Variants in DHX57 observed in about 807,000 individuals in gnomAD.
DHX57 encodes DExH-box helicase 57.
Under a neutral mutation model 156.2 loss-of-function variants are expected in DHX57, and 105 were observed. The ratio of observed to expected loss-of-function variants is 0.67; its 90% CI spans 0.57 to 0.79. The LOEUF (loss-of-function observed/expected upper bound fraction) is 0.79. Among genes scored for constraint, DHX57 ranks in the 30% least tolerant of loss-of-function variants. The pLI is 0.00. For missense variants in DHX57, 1,847 were observed against 1,661.9 expected (o/e 1.11, Z -1.94); for synonymous variants, 704 against 595.6 (o/e 1.18, Z -2.65).
intron 11 of DHX57, among the ~76,000 whole-genome samples, chr2:38,844,902 T>C (rs1298634255): frequency 6.6e-6 from 1 of 152,178 alleles, no homozygotes; most frequent in Non-Finnish European, 1.5e-5. Flanking sequence ...TCAGATGATA[T>C]GGGCCTTTAG....
At position 38,800,214 on chromosome 2, in the gene DHX57, C is replaced by T. The variant is rs557839978; in HGVS notation, c.4018-1772G>A. Reference sequence around the variant, plus strand: ...AAAAAAAAAAAAAAAAATAGCCGGGCTTGGTGGTGTACGCCTGCAGTCCCA... The same window carrying T: ...AAAAAAAAAAAAAAAAATAGCCGGGTTTGGTGGTGTACGCCTGCAGTCCCA... On this transcript the variant is annotated intron_variant, in intron 23 of 23. Transcript: ENST00000457308. 6.8e-5 allele frequency among the ~76,000 whole-genome samples: 10 copies of T among 148,048 alleles called. No homozygotes were observed. The East Asian group carries it at 1.6e-3, about 24-fold the overall frequency.
rs143894397 is a variant in DHX57, at chr2:38,868,359, C to G, written c.47G>C (p.Gly16Ala). Residue 16 changes from glycine to alanine, a missense_variant, in exon 2 of 24, where the codon GGA becomes GCA. Transcript: ENST00000457308. ...RRKGKPGKGG[G>A]KGSSRGGRGG... ...TCTTCCTCCTCTAGAAGACCCTTTTCCACCTCCTTTGCCTGGCTTGCCTTT... is the reference window on the plus strand; with the variant it reads ...TCTTCCTCCTCTAGAAGACCCTTTTGCACCTCCTTTGCCTGGCTTGCCTTT... 1.5e-4 allele frequency: 245 copies of G among 1,612,360 alleles called. 1 individual carries two copies. The highest frequency in any genetic ancestry group is 2.0e-4 in the Non-Finnish European group (234 of 1,179,350).
chr2:38,852,613 T>TC (rs1215559742), intron 9 of DHX57, among the ~76,000 whole-genome samples: 1 of 150,098 alleles, frequency 6.7e-6, no homozygotes, highest in South Asian at 2.1e-4. Context: ...TAATTTTTTT[T>TC]TTTTTTTTTT....
chr2:38,867,979 A>G (rs1373840237), intron 2 of DHX57, among the ~76,000 whole-genome samples: 1 of 152,190 alleles, frequency 6.6e-6, no homozygotes, highest in East Asian at 1.9e-4. Flanking sequence ...TAATAGCAGT[A>G]TTACACTCAA....
chr2:38,872,016 C>T (rs1386950605), intron 1 of DHX57, among the ~76,000 whole-genome samples: 2 of 152,038 alleles, frequency 1.3e-5, no homozygotes, highest in Non-Finnish European at 2.9e-5. Flanking sequence ...CCTAATAACT[C>T]ATTCTTGCTA....
Position 38,848,335 on chromosome 2 carries a change from T to C in DHX57, c.2098A>G (p.Ser700Gly). 6.2e-7 allele frequency: 1 copy of C among 1,612,704 alleles called. No individual in the cohort carries two copies. Among genetic ancestry groups the C allele is most frequent in the Admixed American group, 1.7e-5 (1 of 59,842 alleles). Residue 700 changes from serine to glycine, a missense_variant, in exon 10 of 24, where the codon AGT (serine) becomes GGT (glycine). Coordinates refer to ENST00000457308, the MANE Select transcript of DHX57 (RefSeq NM_198963.3). ...AAAAGCTCAGCGTTTAGAGTTGCAC[T>C]CATTAAAATAACTTGAAGACCTGGC... The part of the protein sequence containing the change: ...QRPGLQVILM[S>G]ATLNAELFSD...
chr2:38,819,659 A>T (rs547713494), intron 17 of DHX57, among the ~76,000 whole-genome samples: 8 of 152,200 alleles, frequency 5.3e-5, no homozygotes, highest in Non-Finnish European at 1.2e-4. Context: ...CACCCAAAAT[A>T]AGCTCTTCTG....
Position 38,843,097 on chromosome 2 carries a change from C to G in DHX57, c.2333G>C (p.Arg778Thr), listed in dbSNP as rs769930204. Reference protein sequence around the residue: ...TAFEEVEEDLRLSLHLQDQDS... With the variant: ...TAFEEVEEDLTLSLHLQDQDS... ...CTGATCCTGGAGGTGAAGGGAGAGC[C>G]TTAGGTCTTCTTCCACTTCTTCAAA... is the stretch of plus-strand genomic sequence containing the variant. Residue 778 changes from arginine to threonine, a missense_variant, in exon 12 of 24, where the codon AGG (arginine) becomes ACG (threonine). By Grantham distance (71) the Arg-to-Thr change is moderately conservative. Coordinates refer to ENST00000457308, the MANE Select transcript of DHX57 (RefSeq NM_198963.3). 2.4e-5 allele frequency: 39 copies of G among 1,614,014 alleles called. No individual in the cohort carries two copies. The highest frequency in any genetic ancestry group is 8.3e-5 in the Admixed American group (5 of 59,988).
chr2:38,823,542 TAA>T (rs1395687645), intron 16 of DHX57, among the ~76,000 whole-genome samples: 2 of 152,152 alleles, frequency 1.3e-5, no homozygotes, highest in African/African-American at 4.8e-5. Context: ...CAAAAGATAA[TAA>T]GTGTTGGCAA....
intron 1 of DHX57, among the ~76,000 whole-genome samples, chr2:38,868,795 T>C (rs1159782291): frequency 1.5e-5 from 2 of 137,622 alleles, no homozygotes; most frequent in Non-Finnish European, 3.2e-5. Context: ...TTAGGTCTAA[T>C]TTAGAGTTTT....
In DHX57 at chr2:38,858,655, C is replaced by A. The variant is rs906012486; in HGVS notation, c.1587+6G>T. On this transcript the variant is annotated splice_donor_region_variant and intron_variant, in intron 6 of 23. Coordinates refer to ENST00000457308, the MANE Select transcript of DHX57 (RefSeq NM_198963.3). ...CAACGTTACTCATTCTCTCAGCATA[C>A]CCTACCTGTTTCATTCGGAACTGCT... 1 of 1,611,476 alleles carries A rather than the reference C, an allele frequency of 6.2e-7. No individual in the cohort carries two copies. The highest frequency in any genetic ancestry group is 1.3e-5 in the African/African-American group (1 of 74,744).
chr2:38,814,474 G>A (rs1360970423), intron 20 of DHX57, among the ~76,000 whole-genome samples: 1 of 152,112 alleles, frequency 6.6e-6, no homozygotes, highest in African/African-American at 2.4e-5. Context: ...TATAAATGGA[G>A]AAAAAAATTA....
Position 38,875,577 on chromosome 2 carries a change from G to C in DHX57, c.-7+210C>G, listed in dbSNP as rs184964361. Among the ~76,000 whole-genome samples the C allele has an allele frequency of 6.6e-5, 10 of 152,082 alleles. No individual in the cohort carries two copies. The East Asian group carries it at 1.7e-3, about 26-fold the overall frequency. On this transcript the variant is annotated intron_variant, in intron 1 of 23. Coordinates refer to ENST00000457308, the MANE Select transcript of DHX57 (RefSeq NM_198963.3). ...TTGAGCGTGGACAACCTCAGCGGCA[G>C]AGCCCGCCTTGGTTCGGTATCAGGG...
chr2:38,834,200 G>A (rs1249371844), intron 13 of DHX57, among the ~76,000 whole-genome samples: 7 of 151,432 alleles, frequency 4.6e-5, no homozygotes, highest in Admixed American at 2.0e-4. Flanking sequence ...GTGTGGTGGC[G>A]CATGCCTGTA....
chr2:38,819,000 T>G, intron 18 of DHX57, 40 bp from the exon 19 acceptor site: 1 of 1,614,124 alleles, frequency 6.2e-7, no homozygotes, highest in Non-Finnish European at 8.5e-7. Flanking sequence ...TACTCAGTCT[T>G]CAGTGCCAAC....
intron 9 of DHX57, among the ~76,000 whole-genome samples, chr2:38,849,035 G>A (rs1672437600): frequency 6.6e-6 from 1 of 152,122 alleles, no homozygotes; most frequent in African/African-American, 2.4e-5. Context: ...CTCTTAGCTG[G>A]TATAGGGTAC....
Position 38,854,036 on chromosome 2 carries a change from G to A in DHX57, c.2030+18C>T. ...AATTCAGGTGAGTGTGTGTTCCCTG[G>A]GAAAGTCTTTGTTTTACCTTTCTTC... On this transcript the variant is annotated intron_variant, in intron 9 of 23. Coordinates refer to ENST00000457308, the MANE Select transcript of DHX57 (RefSeq NM_198963.3). 1 of 1,592,452 alleles carries A rather than the reference G, an allele frequency of 6.3e-7. No individual in the cohort carries two copies. Among genetic ancestry groups the A allele is most frequent in the South Asian group, 1.1e-5 (1 of 87,806 alleles).
chr2:38,826,161 T>C (rs2148564142), intron 15 of DHX57, 114 bp from the exon 16 acceptor site: 2 of 1,117,498 alleles, frequency 1.8e-6, no homozygotes, highest in Non-Finnish European at 1.3e-6. Context: ...CACAGTGCCC[T>C]GTATATTCTG....
intron 16 of DHX57, among the ~76,000 whole-genome samples, chr2:38,823,988 G>C (rs1255292446): frequency 6.6e-6 from 1 of 151,800 alleles, no homozygotes; most frequent in Admixed American, 6.6e-5. Context: ...TCTAGCCTGG[G>C]TGACTGAGCA....
Sources: gnomAD v4.1 joint callset for allele counts (sites outside exome capture counted in the v4.1 genomes callset) on GRCh38, gnomAD v4.1.1 for gene constraint, MANE v1.5 for transcripts, NCBI Gene and HGNC (gene_info 2026-07-23, HGNC 2026-07-21) for gene names.